LOC400499: variants seen among roughly 807,000 people sequenced by gnomAD.
At chr16:11,502,498 G>T in the LOC400499 span, among the ~76,000 whole-genome samples, 1 of 152,148 alleles carries the variant, frequency 6.6e-6, no homozygotes, top group Non-Finnish European at 1.5e-5. Flanking sequence ...TGAATCTGTG[G>T]CATCTAATAA....
At chr16:11,476,968 G>T in the LOC400499 span, 312 of 399,364 alleles carry the variant, frequency 7.8e-4, no homozygotes, top group Non-Finnish European at 9.1e-4. Flanking sequence ...GCATGTACCA[G>T]CTGCATCCCG....
chr16:11,420,715 C>T, the LOC400499 span, among the ~76,000 whole-genome samples: 3 of 151,788 alleles, frequency 2.0e-5, no homozygotes. Context: ...GAGAGGGCAC[C>T]CTGGTCCCCT....
chr16:11,506,942 C>T, the LOC400499 span, among the ~76,000 whole-genome samples: 1 of 152,204 alleles, frequency 6.6e-6, no homozygotes, highest in Non-Finnish European at 1.5e-5. Flanking sequence ...CAACAGGGTC[C>T]TCAGCATTTC....
chr16:11,491,827 G>C, the LOC400499 span: 9 of 398,848 alleles, frequency 2.3e-5, no homozygotes, highest in African/African-American at 1.4e-4. Context: ...GATTGGTATA[G>C]ACGGGAGAGC....
the LOC400499 span, among the ~76,000 whole-genome samples, chr16:11,415,984 T>C: frequency 6.6e-6 from 1 of 150,744 alleles, no homozygotes; most frequent in East Asian, 1.9e-4. Context: ...GAGACAGAGT[T>C]TCACTCTGTG....
the LOC400499 span, among the ~76,000 whole-genome samples, chr16:11,433,206 G>T: frequency 6.6e-6 from 1 of 152,200 alleles, no homozygotes; most frequent in Non-Finnish European, 1.5e-5. Context: ...CTGAGAGTCT[G>T]CCAACTCCTG....
chr16:11,484,335 G>A, the LOC400499 span, among the ~76,000 whole-genome samples: 8 of 152,134 alleles, frequency 5.3e-5, no homozygotes, highest in Admixed American at 4.6e-4. Flanking sequence ...GGATCTGGAA[G>A]AGACTTTTGG....
At chr16:11,398,818 C>A in the LOC400499 span, among the ~76,000 whole-genome samples, 1 of 152,130 alleles carries the variant, frequency 6.6e-6, no homozygotes, top group Non-Finnish European at 1.5e-5. Flanking sequence ...TGCCACCACG[C>A]CCAGTTTTTT....
At chr16:11,515,503 G>A in the LOC400499 span, among the ~76,000 whole-genome samples, 2 of 145,028 alleles carry the variant, frequency 1.4e-5, no homozygotes, top group Non-Finnish European at 3.0e-5. Context: ...ACATACGTAC[G>A]TACATACATA....
chr16:11,440,052 T>C, the LOC400499 span, among the ~76,000 whole-genome samples: 2 of 152,016 alleles, frequency 1.3e-5, no homozygotes, highest in Non-Finnish European at 2.9e-5. Flanking sequence ...GAACTTGGAA[T>C]TGAACTTGAA....
the LOC400499 span, among the ~76,000 whole-genome samples, chr16:11,479,775 C>A: frequency 1.3e-5 from 2 of 152,174 alleles, no homozygotes; most frequent in African/African-American, 2.4e-5. Context: ...ATGTTTCTAT[C>A]AACTAAACTC....
At chr16:11,396,518 G>A in the LOC400499 span, 3 of 1,232,214 alleles carry the variant, frequency 2.4e-6, no homozygotes, top group East Asian at 3.2e-5. Context: ...GACCTCCAGT[G>A]CCCCGGAGAA....
At chr16:11,525,892 C>T in the LOC400499 span, among the ~76,000 whole-genome samples, 1 of 152,216 alleles carries the variant, frequency 6.6e-6, no homozygotes, top group African/African-American at 2.4e-5. Flanking sequence ...GAAAACACTG[C>T]ACACTGGAGG....
At chr16:11,467,903 G>A in the LOC400499 span, among the ~76,000 whole-genome samples, 1 of 152,156 alleles carries the variant, frequency 6.6e-6, no homozygotes, top group Non-Finnish European at 1.5e-5. Context: ...GGTGATGAGG[G>A]TGAACCCTAA....
At chr16:11,440,182 A>T in the LOC400499 span, among the ~76,000 whole-genome samples, 1 of 152,202 alleles carries the variant, frequency 6.6e-6, no homozygotes. Context: ...ACAGGAATGA[A>T]CACGTCCACG....
the LOC400499 span, among the ~76,000 whole-genome samples, chr16:11,477,362 T>A: frequency 6.6e-6 from 1 of 152,220 alleles, no homozygotes; most frequent in Non-Finnish European, 1.5e-5. Flanking sequence ...CATGACAGGT[T>A]CCAGAATCGG....
At chr16:11,392,851 T>A in the LOC400499 span, 1 of 942,568 alleles carries the variant, frequency 1.1e-6, no homozygotes, top group South Asian at 4.8e-5. Flanking sequence ...TTTTTTCGTT[T>A]TTGTTTTTGT....
At chr16:11,503,601 G>C in the LOC400499 span, among the ~76,000 whole-genome samples, 27 of 152,222 alleles carry the variant, frequency 1.8e-4, no homozygotes, top group African/African-American at 5.8e-4. Context: ...CCTCCCTGCT[G>C]TGTGTGGCTG....
At chr16:11,400,581 C>A in the LOC400499 span, among the ~76,000 whole-genome samples, 21 of 152,232 alleles carry the variant, frequency 1.4e-4, no homozygotes, top group South Asian at 4.1e-4. Flanking sequence ...GTTGGGATTG[C>A]AGGCACACAC....
Sources: allele counts gnomAD v4.1 joint callset (sites outside exome capture counted in the v4.1 genomes callset), GRCh38; gene constraint gnomAD v4.1.1; transcripts MANE v1.5.